Variants in GLIS3 observed in about 807,000 individuals in gnomAD.
The protein encoded by GLIS3 is zinc finger protein GLIS3.
A neutral mutation model predicts 78.6 loss-of-function variants in GLIS3; 53 were observed. The observed-to-expected ratio is 0.67, with a 90% CI of 0.54 to 0.85. The LOEUF is 0.85. GLIS3 is among the 40% of genes least tolerant of loss of function. The pLI, the probability that GLIS3 is intolerant of heterozygous loss-of-function variation, is 0.00. For synonymous variants in GLIS3, 684 were observed against 509.9 expected (o/e 1.34, Z -4.60); for missense variants, 1,703 against 1,231.1 (o/e 1.38, Z -5.74).
intron 4 of GLIS3, among the ~76,000 whole-genome samples, chr9:4,002,013 T>C (rs1206358802): frequency 6.6e-6 from 1 of 152,188 alleles, no homozygotes; most frequent in Non-Finnish European, 1.5e-5. Flanking sequence ...TGTGGATATG[T>C]TGCATTACAT....
chr9:3,964,283 C>G (rs1817768463), intron 4 of GLIS3, among the ~76,000 whole-genome samples: 1 of 152,166 alleles, frequency 6.6e-6, no homozygotes, highest in African/African-American at 2.4e-5. Context: ...TAATTTTCGC[C>G]TGACAGCTAG....
intron 2 of GLIS3, among the ~76,000 whole-genome samples, chr9:4,154,941 C>G (rs895853295): frequency 6.6e-6 from 1 of 152,098 alleles, no homozygotes; most frequent in South Asian, 2.1e-4. Context: ...ATGTCTGCTG[C>G]ACTTAAAAAT....
chr9:3,905,364 G>T (rs1823624688), intron 6 of GLIS3, among the ~76,000 whole-genome samples: 1 of 152,028 alleles, frequency 6.6e-6, no homozygotes, highest in Non-Finnish European at 1.5e-5. Flanking sequence ...GGGTAGCCAA[G>T]TTCTCTGGAA....
At chr9:4,089,102 A>G (rs186921531) in intron 4 of GLIS3, among the ~76,000 whole-genome samples, 328 of 152,378 alleles carry the variant, frequency 2.2e-3, no homozygotes, top group Non-Finnish European at 3.2e-3. Context: ...TTTATGAACT[A>G]GTCCCAAATA....
intron 1 of GLIS3, among the ~76,000 whole-genome samples, chr9:4,295,889 TTTG>T (rs777059873): frequency 1.2e-4 from 19 of 152,214 alleles, no homozygotes; most frequent in Non-Finnish European, 2.5e-4. Flanking sequence ...TTTCAAAGGT[TTTG>T]TTATGTGTCA....
chr9:4,288,138 G>A (rs993302967), intron 1 of GLIS3, among the ~76,000 whole-genome samples: 1 of 152,138 alleles, frequency 6.6e-6, no homozygotes, highest in Non-Finnish European at 1.5e-5. Flanking sequence ...ATTTATGTAG[G>A]AGAACTCCTG....
rs56354960 is a variant in GLIS3 at position 4,120,942 on chromosome 9, C to G, written c.597-2061G>C. 3.7e-3 allele frequency among the ~76,000 whole-genome samples: 562 copies of G among 152,320 alleles called. 4 individuals are homozygous for G. The highest frequency in any genetic ancestry group is 5.0e-3 in the Non-Finnish European group (340 of 68,032). Reference sequence around the variant, plus strand: ...CACTGTTGAGAGATGATTCTTATTTCTCTCAAATTATACTTAAATATGGCT... The same window carrying G: ...CACTGTTGAGAGATGATTCTTATTTGTCTCAAATTATACTTAAATATGGCT... On this transcript the variant is annotated intron_variant, in intron 3 of 10. Transcript: ENST00000381971.
the GLIS3 span, among the ~76,000 whole-genome samples, chr9:4,406,956 A>G: frequency 2.0e-5 from 3 of 152,238 alleles, no homozygotes; most frequent in Admixed American, 2.0e-4. Context: ...TAAAATTTAT[A>G]TAGAATTACA....
the GLIS3 span, among the ~76,000 whole-genome samples, chr9:4,438,631 C>G: frequency 6.6e-6 from 1 of 152,082 alleles, no homozygotes; most frequent in Non-Finnish European, 1.5e-5. Flanking sequence ...TGTAATAATC[C>G]CCACTTGTCA....
At chr9:4,321,655 C>T (rs541759601) in intron 2 of GLIS3, among the ~76,000 whole-genome samples, 90 of 124,404 alleles carry the variant, frequency 7.2e-4, no homozygotes, top group African/African-American at 2.6e-3. Flanking sequence ...CCCATTTCTT[C>T]TCTGCTATCC....
chr9:3,857,632 C>T (rs1326840399), intron 8 of GLIS3, among the ~76,000 whole-genome samples: 1 of 152,168 alleles, frequency 6.6e-6, no homozygotes, highest in Non-Finnish European at 1.5e-5. Context: ...AACAAACCAG[C>T]TGGGTTGGGA....
At chr9:4,372,621 A>G in the GLIS3 span, among the ~76,000 whole-genome samples, 1 of 152,032 alleles carries the variant, frequency 6.6e-6, no homozygotes, top group Admixed American at 6.6e-5. Flanking sequence ...TTTGCGTCAA[A>G]TTTAAGACTT....
chr9:4,053,108 T>C (rs975367936), intron 4 of GLIS3, among the ~76,000 whole-genome samples: 2 of 152,108 alleles, frequency 1.3e-5, no homozygotes, highest in Non-Finnish European at 2.9e-5. Context: ...CCCCCACATC[T>C]GGCTAATTTT....
chr9:4,075,750 A>G (rs1003992404), intron 4 of GLIS3, among the ~76,000 whole-genome samples: 5 of 152,236 alleles, frequency 3.3e-5, no homozygotes, highest in African/African-American at 7.2e-5. Context: ...CCTGTGATAT[A>G]GTCGTACAAT....
chr9:3,855,028 T>G (rs1479679063), intron 9 of GLIS3, among the ~76,000 whole-genome samples: 1 of 152,214 alleles, frequency 6.6e-6, no homozygotes, highest in Non-Finnish European at 1.5e-5. Context: ...TAGAGGACAG[T>G]AGTATTTTTC....
intron 4 of GLIS3, among the ~76,000 whole-genome samples, chr9:3,997,192 C>T (rs1820809826): frequency 6.6e-6 from 1 of 151,796 alleles, no homozygotes; most frequent in African/African-American, 2.4e-5. Context: ...ACTAAAAATA[C>T]AAAATTAGCT....
intron 2 of GLIS3, among the ~76,000 whole-genome samples, chr9:4,236,732 G>A (rs1467023882): frequency 1.3e-5 from 2 of 152,112 alleles, no homozygotes; most frequent in Non-Finnish European, 2.9e-5. Context: ...AATTTTAGGT[G>A]CTGTTTACAT....
chr9:4,298,332 G>T, intron 1 of GLIS3: 1 of 455,564 alleles, frequency 2.2e-6, no homozygotes, highest in Non-Finnish European at 4.4e-6. Flanking sequence ...CAAGTCGGAG[G>T]GCGCGAACGC....
intron 2 of GLIS3, among the ~76,000 whole-genome samples, chr9:4,138,098 C>T (rs890536822): frequency 1.3e-5 from 2 of 152,230 alleles, no homozygotes; most frequent in Admixed American, 1.3e-4. Context: ...TCAAATCATT[C>T]TTGCCTACCA....
Sources: gnomAD v4.1 joint callset for allele counts (sites outside exome capture counted in the v4.1 genomes callset) on GRCh38, gnomAD v4.1.1 for gene constraint, MANE v1.5 for transcripts, NCBI Gene and HGNC (gene_info 2026-07-23, HGNC 2026-07-21) for gene names.